The following ATP8A2 variants were observed in gnomAD, a reference collection of about 807,000 sequenced individuals.
ATP8A2 encodes ATPase phospholipid transporting 8A2.
Under a neutral mutation model 165.6 loss-of-function variants are expected in ATP8A2, and 100 were observed. That is an observed-to-expected ratio of 0.60 (90% CI 0.51 to 0.71). The LOEUF is 0.71. ATP8A2 is among the 30% of genes least tolerant of loss of function. The probability of loss-of-function intolerance (pLI) is 0.00; values close to 1 mark genes in which losing one functional copy is unlikely to be tolerated. For missense variants in ATP8A2, 1,227 were observed against 1,479.5 expected, an observed-to-expected ratio of 0.83 and a Z score of 2.80; for synonymous variants, 543 against 548.8, an observed-to-expected ratio of 0.99 and a Z score of 0.15.
At chr13:25,551,282 C>A (rs1315301459) in intron 10 of ATP8A2, 56 bp from the exon 11 acceptor site, 3 of 1,527,114 alleles carry the variant, frequency 2.0e-6, no homozygotes, top group African/African-American at 2.7e-5. Context: ...TTTCCCCCAA[C>A]CCCTTGCCCC....
intron 1 of ATP8A2, among the ~76,000 whole-genome samples, chr13:25,388,267 A>G (rs2033125562): frequency 6.6e-6 from 1 of 152,190 alleles, no homozygotes; most frequent in Admixed American, 6.6e-5. Context: ...GGAGAAGTCA[A>G]GGACACTTCA....
intron 17 of ATP8A2, among the ~76,000 whole-genome samples, chr13:25,571,143 C>T (rs1216246786): frequency 6.6e-6 from 1 of 152,190 alleles, no homozygotes; most frequent in Non-Finnish European, 1.5e-5. Context: ...TGACAGAGCT[C>T]TGAAGAAAGA....
intron 1 of ATP8A2, among the ~76,000 whole-genome samples, chr13:25,433,260 T>C (rs529480282): frequency 6.6e-6 from 1 of 152,168 alleles, no homozygotes; most frequent in African/African-American, 2.4e-5. Context: ...TCAGGTCTGT[T>C]TTTCTTTTCC....
At position 25,516,487 on chromosome 13, in the gene ATP8A2, TGTG is replaced by T. The variant is rs374418977; in HGVS notation, c.222-13509_222-13507del. On this transcript the variant is annotated intron_variant, in intron 2 of 36. Coordinates refer to ENST00000381655, the MANE Select transcript of ATP8A2 (RefSeq NM_016529.6). ...ACTGAATTCTGAATGAAAGGCCAAA[TGTG>T]GTATACTTAAATGCAATATGTTTTA... 1.4e-4 allele frequency among the ~76,000 whole-genome samples: 22 copies of T among 152,308 alleles called. No homozygotes were observed. The East Asian group carries it at 4.0e-3, about 28-fold the overall frequency.
At chr13:25,864,097 G>A (rs1952433813) in intron 33 of ATP8A2, among the ~76,000 whole-genome samples, 1 of 152,216 alleles carries the variant, frequency 6.6e-6, no homozygotes, top group South Asian at 2.1e-4. Flanking sequence ...TTGGTGCTTA[G>A]AATATCTGCT....
intron 1 of ATP8A2, among the ~76,000 whole-genome samples, chr13:25,414,063 C>CT (rs1471231295): frequency 6.6e-6 from 1 of 151,988 alleles, no homozygotes. Context: ...ATCACTAAGC[C>CT]TGACTTTCAC....
chr13:25,542,506 A>T lies in ATP8A2; in HGVS notation c.779+460A>T, dbSNP rs551442003. Among the ~76,000 whole-genome samples, 210 of 150,202 alleles carry T rather than the reference A, an allele frequency of 1.4e-3. 1 individual carries two copies. The highest frequency in any genetic ancestry group is 5.0e-3 in the African/African-American group (203 of 40,706). On this transcript the variant is annotated intron_variant, in intron 9 of 36. Coordinates refer to ENST00000381655, the MANE Select transcript of ATP8A2 (RefSeq NM_016529.6). ...AGTGCCCTCCTGTCTATATTCTGTT[A>T]TCTTTGTTCTTCTGGCATTTGTTAT...
intron 10 of ATP8A2, among the ~76,000 whole-genome samples, chr13:25,548,777 T>G (rs1593510391): frequency 6.6e-6 from 1 of 152,310 alleles, no homozygotes; most frequent in East Asian, 1.9e-4. Context: ...AAAGCTGCTG[T>G]GTTGTTTAGA....
intron 6 of ATP8A2, among the ~76,000 whole-genome samples, chr13:25,534,666 G>A (rs888620623): frequency 1.3e-5 from 2 of 152,254 alleles, no homozygotes; most frequent in African/African-American, 4.8e-5. Context: ...TGTACCGCAT[G>A]CAGTTTTATT....
chr13:25,414,639 A>G (rs972677503), intron 1 of ATP8A2, among the ~76,000 whole-genome samples: 7 of 152,246 alleles, frequency 4.6e-5, no homozygotes, highest in Admixed American at 2.6e-4. Flanking sequence ...CTTTACGTGT[A>G]TGTCACTTTC....
At chr13:25,685,396 A>G (rs2042579753) in intron 24 of ATP8A2, among the ~76,000 whole-genome samples, 1 of 152,186 alleles carries the variant, frequency 6.6e-6, no homozygotes, top group Non-Finnish European at 1.5e-5. Flanking sequence ...CCCTGAATAT[A>G]CAATTGTGAA....
chr13:25,977,098 G>A (rs1455226270), intron 35 of ATP8A2, among the ~76,000 whole-genome samples: 6 of 139,534 alleles, frequency 4.3e-5, no homozygotes, highest in African/African-American at 1.0e-4. Context: ...ATGAACCACC[G>A]TGCCCAGCCG....
chr13:25,659,103 C>T lies in ATP8A2; in HGVS notation c.2212-40070C>T, dbSNP rs937763264. 3.3e-5 allele frequency among the ~76,000 whole-genome samples: 5 copies of T among 152,184 alleles called. 1 individual carries two copies. Among genetic ancestry groups the T allele is most frequent in the Admixed American group, 3.3e-4 (5 of 15,286 alleles). Reference sequence around the variant, plus strand: ...AAGCTGCCTAAGAAATCGTCTCCCTCAGAAGGTTATGTATGTGCAAGCTCT... The same window carrying T: ...AAGCTGCCTAAGAAATCGTCTCCCTTAGAAGGTTATGTATGTGCAAGCTCT... On this transcript the variant is annotated intron_variant, in intron 24 of 36. Transcript: ENST00000381655.
chr13:25,617,484 G>A (rs1445196353), intron 24 of ATP8A2, among the ~76,000 whole-genome samples: 3 of 152,148 alleles, frequency 2.0e-5, no homozygotes, highest in African/African-American at 2.4e-5. Flanking sequence ...AGAAATGAGA[G>A]GATAGTTTTG....
At chr13:25,540,603 G>C (rs888458306) in intron 8 of ATP8A2, among the ~76,000 whole-genome samples, 1 of 152,150 alleles carries the variant, frequency 6.6e-6, no homozygotes, top group Non-Finnish European at 1.5e-5. Context: ...AGGGTGCCAG[G>C]CCTTCATATA....
intron 24 of ATP8A2, among the ~76,000 whole-genome samples, chr13:25,669,747 G>T (rs7335489): frequency 0.93 from 140,906 of 152,136 alleles, 65,679 homozygotes; most frequent in Non-Finnish European, 0.98. Context: ...TGGTCTGTCT[G>T]TTGCTTCCCC....
intron 35 of ATP8A2, among the ~76,000 whole-genome samples, chr13:25,998,462 C>T (rs1214866112): frequency 3.3e-5 from 5 of 152,188 alleles, no homozygotes; most frequent in Admixed American, 3.3e-4. Flanking sequence ...GGGTATCTGG[C>T]TGCAGATGAG....
At chr13:25,926,232 C>T (rs914146013) in intron 33 of ATP8A2, among the ~76,000 whole-genome samples, 3 of 152,288 alleles carry the variant, frequency 2.0e-5, no homozygotes, top group Admixed American at 6.5e-5. Flanking sequence ...ACCATGGTAG[C>T]TCCTGGAATG....
intron 35 of ATP8A2, among the ~76,000 whole-genome samples, chr13:25,976,764 GT>G (rs1956050604): frequency 6.6e-6 from 1 of 151,856 alleles, no homozygotes; most frequent in Non-Finnish European, 1.5e-5. Context: ...GGAAAAGAGT[GT>G]GTGAAAGCGG....
Sources: gnomAD v4.1 joint callset for allele counts (sites outside exome capture counted in the v4.1 genomes callset) on GRCh38, gnomAD v4.1.1 for gene constraint, MANE v1.5 for transcripts, NCBI Gene and HGNC (gene_info 2026-07-23, HGNC 2026-07-21) for gene names.